CCDC69: variants seen among roughly 807,000 people sequenced by gnomAD.
CCDC69 encodes the protein coiled-coil domain-containing protein 69.
CCDC69 carries 38 observed loss-of-function variants against 40.3 expected under a neutral mutation model. The ratio of observed to expected loss-of-function variants is 0.94; its 90% CI spans 0.73 to 1.24. The LOEUF (loss-of-function observed/expected upper bound fraction) is 1.24, where lower values mean the gene tolerates loss of function less well. Ranked by LOEUF, CCDC69 falls within the 50% of genes most tolerant of loss-of-function variation. The probability of loss-of-function intolerance (pLI) is 0.00; values close to 1 mark genes in which losing one functional copy is unlikely to be tolerated. For missense variants in CCDC69, 389 were observed against 357.9 expected, an observed-to-expected ratio of 1.09 and a Z score of -0.70; for synonymous variants, 141 against 138.9, an observed-to-expected ratio of 1.02 and a Z score of -0.11.
Position 151,184,545 on chromosome 5 carries a change from T to C in CCDC69, c.616-104A>G, listed in dbSNP as rs557413117. Reference sequence around the variant, plus strand: ...GGTCACTGAAAGCACTGATTCATTCTAGACTAGATGTTACATTTCATGGAG... The same window carrying C: ...GGTCACTGAAAGCACTGATTCATTCCAGACTAGATGTTACATTTCATGGAG... On this transcript the variant is annotated intron_variant, in intron 7 of 8. Coordinates refer to ENST00000355417, the MANE Select transcript of CCDC69 (RefSeq NM_015621.3). The C allele has an allele frequency of 2.7e-5, 19 of 703,330 alleles. No homozygotes were observed. The African/African-American group carries it at 2.8e-4, about 10-fold the overall frequency. The allele number at this position is 703,330 out of a possible 1,614,324, so 43.6% of individuals were successfully genotyped here.
rs543383235 is a variant in CCDC69 at position 151,202,455 on chromosome 5, A to G, written c.125-767T>C. ...TCTGATTTCCAATTTTTCTTGAAGA[A>G]TCCAAAGAAGAACTGGCAATGTATG... On this transcript the variant is annotated intron_variant, in intron 2 of 8. Coordinates refer to ENST00000355417, the MANE Select transcript of CCDC69 (RefSeq NM_015621.3). Among the ~76,000 whole-genome samples, 70 of 152,360 alleles carry G rather than the reference A, an allele frequency of 4.6e-4. 1 individual carries two copies. The highest frequency in any genetic ancestry group is 1.7e-3 in the African/African-American group (69 of 41,588).
At chr5:151,192,129 A>C (rs1338086875) in intron 4 of CCDC69, among the ~76,000 whole-genome samples, 1 of 149,778 alleles carries the variant, frequency 6.7e-6, no homozygotes, top group Non-Finnish European at 1.5e-5. Context: ...ATAAAAAAAA[A>C]AAAAAGCTAA....
At chr5:151,220,037 C>A (rs572626615) in intron 1 of CCDC69, among the ~76,000 whole-genome samples, 3 of 152,110 alleles carry the variant, frequency 2.0e-5, no homozygotes, top group Non-Finnish European at 4.4e-5. Context: ...GCTTTCCATG[C>A]CCCTTGACAA....
chr5:151,214,685 C>T (rs1753009512), intron 1 of CCDC69, among the ~76,000 whole-genome samples: 1 of 152,208 alleles, frequency 6.6e-6, no homozygotes. Flanking sequence ...CTCCGCTGCA[C>T]CGGGGACACG....
At position 151,223,905 on chromosome 5, in the gene CCDC69, T is replaced by C; in HGVS notation, c.48+18A>G. 6.3e-7 allele frequency: 1 copy of C among 1,589,318 alleles called. No homozygotes were observed. The highest frequency in any genetic ancestry group is 8.6e-7 in the Non-Finnish European group (1 of 1,169,566). ...CCCCTCTCCTCTGAAAGCAAACTTC[T>C]CCGCCGGCGCCCTTTACCTTTTTCG... On this transcript the variant is annotated intron_variant, in intron 1 of 8. Transcript: ENST00000355417.
At chr5:151,216,342 G>T (rs1489764445) in intron 1 of CCDC69, among the ~76,000 whole-genome samples, 4 of 151,312 alleles carry the variant, frequency 2.6e-5, no homozygotes, top group African/African-American at 9.7e-5. Context: ...TCCAGAGAAT[G>T]GACTAAAATT....
At chr5:151,197,975 AGT>A (rs937978399) in intron 4 of CCDC69, among the ~76,000 whole-genome samples, 4 of 152,192 alleles carry the variant, frequency 2.6e-5, no homozygotes, top group African/African-American at 9.7e-5. Context: ...CTCACCCCAA[AGT>A]GTGTGTGTAT....
chr5:151,222,392 G>T (rs75267095), intron 1 of CCDC69, among the ~76,000 whole-genome samples: 9 of 152,352 alleles, frequency 5.9e-5, no homozygotes, highest in Non-Finnish European at 1.2e-4. Flanking sequence ...CTTCCAGCTT[G>T]TGGAAGGGTC....
At chr5:151,205,718 T>C (rs1752844617) in intron 1 of CCDC69, among the ~76,000 whole-genome samples, 1 of 152,172 alleles carries the variant, frequency 6.6e-6, no homozygotes, top group South Asian at 2.1e-4. Flanking sequence ...TTGACACTGC[T>C]TGACCTGTCC....
intron 2 of CCDC69, among the ~76,000 whole-genome samples, chr5:151,203,788 AAT>A (rs1353871795): frequency 1.5e-5 from 2 of 134,948 alleles, no homozygotes; most frequent in South Asian, 2.2e-4. Flanking sequence ...TAATAAATAA[AAT>A]ATATATAGTA....
At position 151,184,621 on chromosome 5, in the gene CCDC69, C is replaced by T. The variant is rs535901852; in HGVS notation, c.616-180G>A. 1.3e-4 allele frequency: 66 copies of T among 521,178 alleles called. 1 individual carries two copies. Among genetic ancestry groups the T allele is most frequent in the East Asian group, 9.2e-4 (30 of 32,786 alleles). 32.3% of individuals were successfully genotyped at this position (521,178 alleles called of 1,614,324 possible). A position where few individuals can be genotyped will look rare whatever the true frequency, so the allele number is the denominator to read the frequency against. ...AAACTAAAAAGTTAACAAAGGGCTG[C>T]GGCTTTTTGCCACAGGAGAATGGTA... is the stretch of plus-strand genomic sequence containing the variant. On this transcript the variant is annotated intron_variant, in intron 7 of 8. Coordinates refer to ENST00000355417, the MANE Select transcript of CCDC69 (RefSeq NM_015621.3).
At chr5:151,191,048 G>T (rs907353825) in intron 4 of CCDC69, among the ~76,000 whole-genome samples, 1 of 151,738 alleles carries the variant, frequency 6.6e-6, no homozygotes, top group Admixed American at 6.6e-5. Flanking sequence ...TACTATACCC[G>T]TGTAACAAAC....
rs545511397 is a variant in CCDC69 at position 151,205,458 on chromosome 5, T to C, written c.66A>G (p.Glu22=). The change falls in exon 2 of 9, where the codon GAA becomes GAG. Residue 22 remains glutamate, a synonymous_variant. Transcript: ENST00000355417. ...KPPKKKRQEP[E]PEQPPRPEPH... ...GCTCTGGTCTGGGTGGCTGTTCTGG[T>C]TCTGGTTCTTGGCGCTTCTGGAAGA... 1 of 1,614,108 alleles carries C rather than the reference T, an allele frequency of 6.2e-7. No individual in the cohort carries two copies.
chr5:151,190,071 G>C (rs951261327), intron 4 of CCDC69, among the ~76,000 whole-genome samples: 5 of 152,178 alleles, frequency 3.3e-5, no homozygotes, highest in Admixed American at 1.3e-4. Flanking sequence ...CAGCAAACCT[G>C]CTCTAAAAGA....
At chr5:151,185,612 A>C (rs905534245) in intron 6 of CCDC69, 71 bp from the exon 7 acceptor site, 163 of 1,523,914 alleles carry the variant, frequency 1.1e-4, no homozygotes, top group Non-Finnish European at 1.3e-4. Flanking sequence ...CCAGCAACTC[A>C]TTGTTGGACT....
chr5:151,194,891 C>CAAAAAA lies in CCDC69; in HGVS notation c.319+4100_319+4105dup, dbSNP rs59836328. ...TGGGTGACAGGGCGAGCCTCCATCT[C>CAAAAAA]AAAAAAAAAAAAAAAAAAAAGAATC... On this transcript the variant is annotated intron_variant, in intron 4 of 8. Transcript: ENST00000355417. Among the ~76,000 whole-genome samples, 11 of 92,292 alleles carry CAAAAAA rather than the reference C, an allele frequency of 1.2e-4. 1 individual carries two copies. The highest frequency in any genetic ancestry group is 1.8e-4 in the African/African-American group (4 of 22,738). 60.5% of individuals were successfully genotyped at this position (92,292 alleles called of 152,430 possible). A position where few individuals can be genotyped will look rare whatever the true frequency, so the allele number is the denominator to read the frequency against.
At chr5:151,195,952 G>A (rs781488397) in intron 4 of CCDC69, among the ~76,000 whole-genome samples, 9 of 152,050 alleles carry the variant, frequency 5.9e-5, no homozygotes, top group South Asian at 2.1e-4. Context: ...GTGAAATACC[G>A]GCAACATTAT....
intron 1 of CCDC69, among the ~76,000 whole-genome samples, chr5:151,214,024 C>A (rs1752995844): frequency 6.6e-6 from 1 of 152,192 alleles, no homozygotes; most frequent in African/African-American, 2.4e-5. Flanking sequence ...AAAGCTGAGG[C>A]CCAGAGGTGG....
Position 151,214,745 on chromosome 5 carries a change from C to T in CCDC69, c.48+9178G>A, listed in dbSNP as rs545906250. ...ACCCCCAGAGCACACAAGTCAGGGG[C>T]GGATGTGGTCTCCACTGCTCCTATC... On this transcript the variant is annotated intron_variant, in intron 1 of 8. Transcript: ENST00000355417. Among the ~76,000 whole-genome samples, 17 of 152,256 alleles carry T rather than the reference C, an allele frequency of 1.1e-4. No homozygotes were observed. The South Asian group carries it at 2.7e-3, about 24-fold the overall frequency.
Sources: allele counts gnomAD v4.1 joint callset (sites outside exome capture counted in the v4.1 genomes callset), GRCh38; gene constraint gnomAD v4.1.1; transcripts MANE v1.5; gene names NCBI Gene and HGNC (gene_info 2026-07-23, HGNC 2026-07-21).